The following ARHGEF12 variants were observed in gnomAD, a reference collection of about 807,000 sequenced individuals.
The protein encoded by ARHGEF12 is KMT2A/ARHGEF12 fusion protein.
A neutral mutation model predicts 211.2 loss-of-function variants in ARHGEF12; 66 were observed. The observed-to-expected ratio is 0.31, with a 90% CI of 0.26 to 0.38. The LOEUF (loss-of-function observed/expected upper bound fraction) is 0.38. Among genes scored for constraint, ARHGEF12 ranks in the 10% least tolerant of loss-of-function variants. The pLI is 1.00. For synonymous variants in ARHGEF12, 592 were observed against 638.4 expected (o/e 0.93, Z 1.09); for missense variants, 1,429 against 1,869.5 (o/e 0.76, Z 4.34).
At chr11:120,416,760 C>A (rs998839860) in intron 4 of ARHGEF12, among the ~76,000 whole-genome samples, 17 of 152,222 alleles carry the variant, frequency 1.1e-4, no homozygotes, top group African/African-American at 4.1e-4. Flanking sequence ...AAGCGATTCT[C>A]CTGCCTCAGC....
At position 120,336,891 on chromosome 11, in the gene ARHGEF12, T is replaced by C; in HGVS notation, c.-353T>C. Reference sequence around the variant, plus strand: ...GAGCCGACACCCGTCCGTGAGCTGATCCCGCCCCAGCCCCGGCGGGAGTCC... The same window carrying C: ...GAGCCGACACCCGTCCGTGAGCTGACCCCGCCCCAGCCCCGGCGGGAGTCC... On this transcript the variant is annotated 5_prime_UTR_variant, in exon 1 of 41. Transcript: ENST00000397843. The C allele has an allele frequency of 2.4e-6, 1 of 422,442 alleles. No homozygotes were observed. Among genetic ancestry groups the C allele is most frequent in the South Asian group, 7.2e-5 (1 of 13,954 alleles). The allele number at this position is 422,442 out of a possible 1,614,324, so 26.2% of individuals were successfully genotyped here. A position where few individuals can be genotyped will look rare whatever the true frequency, so the allele number is the denominator to read the frequency against.
chr11:120,442,240 T>A, intron 15 of ARHGEF12, 38 bp downstream of exon 15: 2 of 1,489,958 alleles, frequency 1.3e-6, no homozygotes, highest in African/African-American at 2.8e-5. Flanking sequence ...TTTGCCTTAG[T>A]ACATGGAATT....
At chr11:120,477,862 C>CAAAAAAAAAAAAAA (rs528182938) in intron 36 of ARHGEF12, among the ~76,000 whole-genome samples, 3 of 69,348 alleles carry the variant, frequency 4.3e-5, no homozygotes, top group African/African-American at 1.2e-4. Context: ...ACCGAAACAC[C>CAAAAAAAAAAAAAA]AAAAAAAAAA....
chr11:120,419,912 A>G (rs1161979112), intron 4 of ARHGEF12, among the ~76,000 whole-genome samples: 1 of 152,198 alleles, frequency 6.6e-6, no homozygotes, highest in Non-Finnish European at 1.5e-5. Flanking sequence ...ACAGAGTTCA[A>G]GATCTTCAGA....
intron 7 of ARHGEF12, 111 bp downstream of exon 7, chr11:120,424,526 A>T: frequency 1.3e-6 from 1 of 777,206 alleles, no homozygotes; most frequent in South Asian, 1.8e-5. Flanking sequence ...TGTGGACTAT[A>T]TAGTCTACTG....
chr11:120,432,509 C>T (rs1356074120), intron 11 of ARHGEF12, among the ~76,000 whole-genome samples: 1 of 152,084 alleles, frequency 6.6e-6, no homozygotes, highest in Non-Finnish European at 1.5e-5. Flanking sequence ...ACTTACCCAG[C>T]AATACTTTGT....
At chr11:120,449,044 C>G in intron 20 of ARHGEF12, 65 bp from the exon 21 acceptor site, 2 of 1,350,190 alleles carry the variant, frequency 1.5e-6, no homozygotes, top group Non-Finnish European at 2.1e-6. Flanking sequence ...TAGCATTACA[C>G]TATGAAAATC....
At chr11:120,465,140 T>A in intron 27 of ARHGEF12, 97 bp from the exon 28 acceptor site, 2 of 1,495,426 alleles carry the variant, frequency 1.3e-6, no homozygotes, top group Non-Finnish European at 1.8e-6. Context: ...TTTTGTCACT[T>A]GAAATATTGA....
chr11:120,471,072 A>C (rs1045775054), intron 30 of ARHGEF12, among the ~76,000 whole-genome samples: 11 of 152,218 alleles, frequency 7.2e-5, no homozygotes, highest in African/African-American at 2.7e-4. Context: ...TAGGAACACC[A>C]ATCATAAGCA....
At chr11:120,469,486 C>G in intron 30 of ARHGEF12, 98 bp downstream of exon 30, 1 of 967,712 alleles carries the variant, frequency 1.0e-6, no homozygotes, top group South Asian at 1.8e-5. Context: ...CTATCATTAC[C>G]TAATGGACAG....
Position 120,485,154 on chromosome 11 carries a change from T to A in ARHGEF12, c.*77T>A. The A allele has an allele frequency of 6.4e-7, 1 of 1,574,388 alleles. No homozygotes were observed. The highest frequency in any genetic ancestry group is 8.7e-7 in the Non-Finnish European group (1 of 1,146,076). On this transcript the variant is annotated 3_prime_UTR_variant, in exon 41 of 41. Transcript: ENST00000397843. Reference sequence around the variant, plus strand: ...GTGTCTCACCACATCCTGGCTCCAGTGTGGATGCAGAGAGAGTGTGACAGA... The same window carrying A: ...GTGTCTCACCACATCCTGGCTCCAGAGTGGATGCAGAGAGAGTGTGACAGA...
Position 120,478,278 on chromosome 11 carries a change from C to A in ARHGEF12, c.3655C>A (p.Gln1219Lys), listed in dbSNP as rs1214010247. 6.2e-7 allele frequency: 1 copy of A among 1,614,126 alleles called. No homozygotes were observed. The highest frequency in any genetic ancestry group is 1.7e-5 in the Admixed American group (1 of 60,018). ...FVAERQFAKE[Q>K]HTDGTLKEVG... ...GGCTGAGAGACAGTTTGCAAAGGAACAACATACAGATGGGACACTAAAGGA... is the reference window on the plus strand; with the variant it reads ...GGCTGAGAGACAGTTTGCAAAGGAAAAACATACAGATGGGACACTAAAGGA... Residue 1219 changes from glutamine to lysine, a missense_variant, in exon 37 of 41, where the codon CAA becomes AAA. Physicochemically the swap from Gln to Lys is moderately conservative, Grantham distance 53. Around this residue, in one of 7 missense-constraint regions of ARHGEF12, gnomAD observed 467 missense variants for 468.4 expected, o/e 1.00. Transcript: ENST00000397843.
intron 4 of ARHGEF12, among the ~76,000 whole-genome samples, chr11:120,418,344 T>C (rs1945089192): frequency 6.6e-6 from 1 of 152,228 alleles, no homozygotes. Context: ...CTGGTTTCTT[T>C]TGCTTACCAT....
At chr11:120,346,183 C>G (rs1480584967) in intron 1 of ARHGEF12, among the ~76,000 whole-genome samples, 5 of 152,192 alleles carry the variant, frequency 3.3e-5, no homozygotes, top group Non-Finnish European at 7.3e-5. Flanking sequence ...TGCACCTACT[C>G]CATAATAAGT....
At chr11:120,484,204 T>G (rs1947338040) in intron 39 of ARHGEF12, among the ~76,000 whole-genome samples, 2 of 152,220 alleles carry the variant, frequency 1.3e-5, no homozygotes. Flanking sequence ...CACCTCTACT[T>G]TCTTTTTACA....
chr11:120,444,128 C>T (rs947363337), intron 15 of ARHGEF12, among the ~76,000 whole-genome samples: 2 of 152,160 alleles, frequency 1.3e-5, no homozygotes, highest in African/African-American at 4.8e-5. Context: ...GTTCCTGGGA[C>T]ATAGCGGGGT....
chr11:120,428,266 C>A lies in ARHGEF12; in HGVS notation c.585+19C>A. ...CATGGGGGTAAGAATGGGGAAATTT[C>A]TTAGTTAAATGCTCAGTCTTATAAG... On this transcript the variant is annotated intron_variant, in intron 8 of 40. Coordinates refer to ENST00000397843, the MANE Select transcript of ARHGEF12 (RefSeq NM_015313.3). 1 of 1,547,070 alleles carries A rather than the reference C, an allele frequency of 6.5e-7. No individual in the cohort carries two copies. The highest frequency in any genetic ancestry group is 1.4e-5 in the African/African-American group (1 of 73,116).
intron 4 of ARHGEF12, chr11:120,409,698 C>T (rs778396905): frequency 7.6e-5 from 28 of 370,494 alleles, no homozygotes; most frequent in Middle Eastern, 7.2e-4. Context: ...CATCTTCTCC[C>T]GTCTTGTTTA....
At chr11:120,361,542 A>G (rs1036674653) in intron 1 of ARHGEF12, among the ~76,000 whole-genome samples, 4 of 152,224 alleles carry the variant, frequency 2.6e-5, no homozygotes, top group Admixed American at 2.6e-4. Context: ...GAAATGGAGA[A>G]GGGATTTTTT....
Sources: gnomAD v4.1 joint callset for allele counts (sites outside exome capture counted in the v4.1 genomes callset) on GRCh38, gnomAD v4.1.1 for gene constraint, gnomAD v4.1.1 regional missense constraint, MANE v1.5 for transcripts, NCBI Gene and HGNC (gene_info 2026-07-23, HGNC 2026-07-21) for gene names.